Variants in FGF18 observed in about 807,000 individuals in gnomAD.
FGF18 encodes the protein fibroblast growth factor 18.
FGF18 carries 5 observed loss-of-function variants against 23.0 expected under a neutral mutation model. The observed-to-expected ratio is 0.22, with a 90% confidence interval of 0.11 to 0.46. The LOEUF is 0.46. FGF18 is among the 20% of genes least tolerant of loss of function. FGF18 has a pLI of 0.99. For missense variants in FGF18, 180 were observed against 291.6 expected, an observed-to-expected ratio of 0.62 and a Z score of 2.79; for synonymous variants, 117 against 118.9, an observed-to-expected ratio of 0.98 and a Z score of 0.10.
Position 171,420,183 on chromosome 5 carries a change from C to T in FGF18, c.-17C>T. 1 of 1,539,798 alleles carries T rather than the reference C, an allele frequency of 6.5e-7. No individual in the cohort carries two copies. The highest frequency in any genetic ancestry group is 2.4e-5 in the East Asian group (1 of 40,838). ...TGCAGGCTGGGCTAGGAGCCGCCGC[C>T]TCCCTCCCGCCCAGCGATGTATTCA... On this transcript the variant is annotated 5_prime_UTR_variant, in exon 1 of 5. Coordinates refer to ENST00000274625, the MANE Select transcript of FGF18 (RefSeq NM_003862.3).
rs1772239431 is a variant in FGF18, at chr5:171,436,025, G to A, written c.70-68G>A. ...AGCCCTTGGTCTTTGTGGTGGACGT[G>A]GCTGGCTCCTGCATGCAGTGGGCCT... On this transcript the variant is annotated intron_variant, in intron 2 of 4. Coordinates refer to ENST00000274625, the MANE Select transcript of FGF18 (RefSeq NM_003862.3). The surrounding 1 kb of genome is among the most constrained non-coding windows in gnomAD (Gnocchi z 4.4). 1 of 1,315,188 alleles carries A rather than the reference G, an allele frequency of 7.6e-7. No individual in the cohort carries two copies. Among genetic ancestry groups the A allele is most frequent in the Non-Finnish European group, 1.0e-6 (1 of 998,992 alleles). 81.5% of individuals were successfully genotyped at this position (1,315,188 alleles called of 1,614,324 possible).
In FGF18 at chr5:171,456,516, C is replaced by T; in HGVS notation, c.358-23C>T. ...ATAACTGAGTCATTTTTTTCTTGAACACTCCCCCTCTCTCCCCTGCAGCCC... is the reference window on the plus strand; with the variant it reads ...ATAACTGAGTCATTTTTTTCTTGAATACTCCCCCTCTCTCCCCTGCAGCCC... On this transcript the variant is annotated intron_variant, in intron 4 of 4. Coordinates refer to ENST00000274625, the MANE Select transcript of FGF18 (RefSeq NM_003862.3). The surrounding 1 kb of genome is among the most constrained non-coding windows in gnomAD (Gnocchi z 6.1). 1.3e-6 allele frequency: 2 copies of T among 1,596,178 alleles called. No homozygotes were observed. Among genetic ancestry groups the T allele is most frequent in the Non-Finnish European group, 1.7e-6 (2 of 1,170,424 alleles).
In FGF18 at chr5:171,428,286, C is replaced by A. The variant is rs191989186; in HGVS notation, c.70-7807C>A. On this transcript the variant is annotated intron_variant, in intron 2 of 4. Transcript: ENST00000274625. ...CTGGGGACCGGGATCCAGACTGAAT[C>A]CCCCCACCCACTCATCTGTGCCAGG... Among the ~76,000 whole-genome samples the A allele has an allele frequency of 2.6e-5, 4 of 152,218 alleles. No individual in the cohort carries two copies. In the East Asian group the frequency reaches 7.7e-4, roughly 29 times the overall value.
chr5:171,453,552 AGCT>A (rs1171361236), intron 4 of FGF18, among the ~76,000 whole-genome samples: 3 of 152,118 alleles, frequency 2.0e-5, no homozygotes, highest in Non-Finnish European at 2.9e-5. Context: ...AGGAGAAGTG[AGCT>A]GCAGTGGCTA....
intron 2 of FGF18, among the ~76,000 whole-genome samples, chr5:171,427,790 GCT>G (rs1772118561): frequency 6.6e-6 from 1 of 152,226 alleles, no homozygotes; most frequent in African/African-American, 2.4e-5. Flanking sequence ...ACTTCGAGAA[GCT>G]CTGTTTCCCC....
In FGF18 at chr5:171,420,131, C is replaced by G. The variant is rs976565372; in HGVS notation, c.-69C>G. The G allele has an allele frequency of 5.4e-6, 7 of 1,303,772 alleles. No homozygotes were observed. The highest frequency in any genetic ancestry group is 3.9e-5 in the Admixed American group (1 of 25,456). The allele number at this position is 1,303,772 out of a possible 1,614,324, so 80.8% of individuals were successfully genotyped here. ...CGGCGGCGGCGGCGGCGGAGGCGCC[C>G]GGTCCCGGCCGCGCGGAGCGGACAT... On this transcript the variant is annotated 5_prime_UTR_variant, in exon 1 of 5. Transcript: ENST00000274625.
chr5:171,452,401 G>A (rs1055545299), intron 4 of FGF18, among the ~76,000 whole-genome samples: 1 of 152,188 alleles, frequency 6.6e-6, no homozygotes, highest in Non-Finnish European at 1.5e-5. Flanking sequence ...CACAGCAAGG[G>A]TACCTGCATT....
At chr5:171,435,609 T>TGGTTCCCTCATCCAG (rs1772233613) in intron 2 of FGF18, among the ~76,000 whole-genome samples, 1 of 152,120 alleles carries the variant, frequency 6.6e-6, no homozygotes, top group South Asian at 2.1e-4. Flanking sequence ...GTTGGTTCCC[T>TGGTTCCCTCATCCAG]GGATGAGGCT....
intron 3 of FGF18, among the ~76,000 whole-genome samples, chr5:171,438,991 C>T (rs562028367): frequency 1.3e-5 from 2 of 152,188 alleles, no homozygotes; most frequent in African/African-American, 4.8e-5. Flanking sequence ...TTGTCAGAAT[C>T]GTAAGATTTT....
rs967766786 is a variant in FGF18 at position 171,420,534 on chromosome 5, C to T, written c.69+91C>T. 11 of 1,287,524 alleles carry T rather than the reference C, an allele frequency of 8.5e-6. No individual in the cohort carries two copies. In the African/African-American group the frequency reaches 1.5e-4, roughly 17 times the overall value. 79.8% of individuals were successfully genotyped at this position (1,287,524 alleles called of 1,614,324 possible). ...CCCGGCCGCGCCCCCTCCCTGTGCCCCACCCCTCCTGGGCGCTGAGCCCAG... is the reference window on the plus strand; with the variant it reads ...CCCGGCCGCGCCCCCTCCCTGTGCCTCACCCCTCCTGGGCGCTGAGCCCAG... On this transcript the variant is annotated intron_variant, in intron 2 of 4. Transcript: ENST00000274625.
intron 4 of FGF18, 62 bp downstream of exon 4, chr5:171,449,315 G>A: frequency 9.3e-7 from 1 of 1,070,518 alleles, no homozygotes; most frequent in Non-Finnish European, 1.4e-6. Context: ...CTGGGAGCTG[G>A]AACAATGTGT....
chr5:171,450,474 C>T lies in FGF18; in HGVS notation c.357+1221C>T, dbSNP rs541070615. ...TGCCACCGCTACCATCCCCATTCCA[C>T]AGATGAGGAAGCCGAGGCTTGGCCA... On this transcript the variant is annotated intron_variant, in intron 4 of 4. Coordinates refer to ENST00000274625, the MANE Select transcript of FGF18 (RefSeq NM_003862.3). Among the ~76,000 whole-genome samples, 7 of 152,060 alleles carry T rather than the reference C, an allele frequency of 4.6e-5. No individual in the cohort carries two copies. The South Asian group carries it at 1.4e-3, about 31-fold the overall frequency.
chr5:171,449,573 G>A (rs1039658706), intron 4 of FGF18, among the ~76,000 whole-genome samples: 11 of 151,744 alleles, frequency 7.2e-5, no homozygotes, highest in African/African-American at 2.7e-4. Flanking sequence ...CTTGGTAGTG[G>A]GAGAATCCTT....
chr5:171,449,360 C>CGCGTGT, intron 4 of FGF18, 107 bp downstream of exon 4: 1 of 184,228 alleles, frequency 5.4e-6, no homozygotes, highest in Non-Finnish European at 1.1e-5. Flanking sequence ...GAAAACAGGC[C>CGCGTGT]GTGTGTGTGT....
At chr5:171,428,676 G>A (rs1459549674) in intron 2 of FGF18, among the ~76,000 whole-genome samples, 4 of 152,214 alleles carry the variant, frequency 2.6e-5, no homozygotes, top group African/African-American at 7.2e-5. Context: ...GAATGGGGAT[G>A]ATGGAAAAGA....
In FGF18 at chr5:171,440,365, G is replaced by A. The variant is rs1173027794; in HGVS notation, c.250+4092G>A. ...GGACCTGGCAGGTTAGATGCAGGTA[G>A]AAGAGTCGTCCTCCCGTGATTCCCA... On this transcript the variant is annotated intron_variant, in intron 3 of 4. Transcript: ENST00000274625. The surrounding 1 kb of genome is among the most constrained non-coding windows in gnomAD (Gnocchi z 4.0). Among the ~76,000 whole-genome samples, 1 of 152,110 alleles carries A rather than the reference G, an allele frequency of 6.6e-6. No homozygotes were observed. Among genetic ancestry groups the A allele is most frequent in the Non-Finnish European group, 1.5e-5 (1 of 68,006 alleles).
chr5:171,448,015 G>A (rs1289111915), intron 3 of FGF18, among the ~76,000 whole-genome samples: 4 of 152,192 alleles, frequency 2.6e-5, no homozygotes, highest in Non-Finnish European at 5.9e-5. Context: ...GAGAGGGCGC[G>A]TGGCCTACCC....
chr5:171,424,469 A>C (rs1359871948), intron 2 of FGF18, among the ~76,000 whole-genome samples: 4 of 152,236 alleles, frequency 2.6e-5, no homozygotes, highest in Non-Finnish European at 5.9e-5. Context: ...ACAGATGGAG[A>C]AACCGAGGCA....
chr5:171,425,216 A>G (rs146766008), intron 2 of FGF18, among the ~76,000 whole-genome samples: 84 of 152,362 alleles, frequency 5.5e-4, no homozygotes, highest in East Asian at 5.4e-3. Context: ...ACCACCAGGT[A>G]TAGTGCACTC....
Sources: gnomAD v4.1 joint callset for allele counts (sites outside exome capture counted in the v4.1 genomes callset) on GRCh38, gnomAD v4.1.1 for gene constraint, Gnocchi (gnomAD v3.1) non-coding constraint, MANE v1.5 for transcripts, NCBI Gene and HGNC (gene_info 2026-07-23, HGNC 2026-07-21) for gene names.